The following GTF2IRD1 variants were observed in gnomAD, a reference collection of about 807,000 sequenced individuals.
GTF2IRD1 encodes the protein GTF2I repeat domain containing 1.
A neutral mutation model predicts 113.2 loss-of-function variants in GTF2IRD1; 26 were observed. The ratio of observed to expected loss-of-function variants is 0.23; its 90% CI spans 0.17 to 0.32. The LOEUF is 0.32. Ranked by LOEUF, GTF2IRD1 falls within the 10% of genes least tolerant of loss-of-function variation. The pLI is 1.00. For missense variants in GTF2IRD1, 864 were observed against 1,280.8 expected (o/e 0.67, Z 4.97); for synonymous variants, 484 against 529.1 (o/e 0.91, Z 1.17).
intron 1 of GTF2IRD1, among the ~76,000 whole-genome samples, chr7:74,502,959 G>A (rs1202684176): frequency 6.6e-6 from 1 of 152,162 alleles, no homozygotes; most frequent in African/African-American, 2.4e-5. Flanking sequence ...CTGAGGTCAG[G>A]CGTTCGAGAC....
At chr7:74,461,652 C>T (rs1793373312) in intron 1 of GTF2IRD1, among the ~76,000 whole-genome samples, 1 of 152,110 alleles carries the variant, frequency 6.6e-6, no homozygotes, top group African/African-American at 2.4e-5. Context: ...GATCTCGGCT[C>T]GCTGCAACCT....
At chr7:74,594,234 G>C (rs1370434650) in intron 24 of GTF2IRD1, among the ~76,000 whole-genome samples, 2 of 151,420 alleles carry the variant, frequency 1.3e-5, no homozygotes, top group Non-Finnish European at 2.9e-5. Flanking sequence ...ATAAAAATTA[G>C]CCGGGCATGG....
Position 74,558,851 on chromosome 7 carries a change from T to G in GTF2IRD1, c.2108-10T>G. 6.2e-7 allele frequency: 1 copy of G among 1,607,338 alleles called. No individual in the cohort carries two copies. The highest frequency in any genetic ancestry group is 8.5e-7 in the Non-Finnish European group (1 of 1,175,508). Reference sequence around the variant, plus strand: ...CTCCTGACGGGCAGGACCCTGCCTCTCGCCCACAGGGGAAGCCTTGGGCAT... The same window carrying G: ...CTCCTGACGGGCAGGACCCTGCCTCGCGCCCACAGGGGAAGCCTTGGGCAT... On this transcript the variant is annotated splice_polypyrimidine_tract_variant and intron_variant, in intron 20 of 26. Transcript: ENST00000424337.
intron 1 of GTF2IRD1, among the ~76,000 whole-genome samples, chr7:74,500,066 G>C (rs894655902): frequency 6.6e-6 from 1 of 152,224 alleles, no homozygotes; most frequent in African/African-American, 2.4e-5. Context: ...AGATGAGGGA[G>C]CCCCCATGTG....
Position 74,512,441 on chromosome 7 carries a change from A to C in GTF2IRD1, c.124-389A>C, listed in dbSNP as rs912694037. Among the ~76,000 whole-genome samples, 10 of 152,154 alleles carry C rather than the reference A, an allele frequency of 6.6e-5. No individual in the cohort carries two copies. The South Asian group carries it at 2.1e-3, about 32-fold the overall frequency. ...CCACAGCAGAAGTGGCCGAGGTGGG[A>C]TTGCAGCCCCAGTCTGTCCAGTCCC... is the stretch of plus-strand genomic sequence containing the variant. On this transcript the variant is annotated intron_variant, in intron 2 of 26. Transcript: ENST00000424337. The surrounding 1 kb of genome is among the most constrained non-coding windows in gnomAD (Gnocchi z 4.4).
chr7:74,491,498 G>T (rs1795342252), intron 1 of GTF2IRD1, among the ~76,000 whole-genome samples: 1 of 139,470 alleles, frequency 7.2e-6, no homozygotes, highest in Admixed American at 6.9e-5. Flanking sequence ...CTTCTGAAAG[G>T]CCCCAGTGTG....
chr7:74,556,050 G>A (rs587712659), intron 19 of GTF2IRD1, among the ~76,000 whole-genome samples: 3 of 152,196 alleles, frequency 2.0e-5, no homozygotes, highest in Non-Finnish European at 4.4e-5. Flanking sequence ...AGGAGTTCAA[G>A]ACCAGCCTGG....
At chr7:74,509,279 C>T (rs1302693711) in intron 2 of GTF2IRD1, among the ~76,000 whole-genome samples, 3 of 152,062 alleles carry the variant, frequency 2.0e-5, no homozygotes, top group Non-Finnish European at 1.5e-5. Context: ...ATCACTTGAA[C>T]CCTGGAAGTG....
At chr7:74,519,301 G>A (rs1797125736) in intron 5 of GTF2IRD1, 108 bp from the exon 6 acceptor site, 2 of 689,160 alleles carry the variant, frequency 2.9e-6, no homozygotes, top group Non-Finnish European at 2.3e-6. Context: ...CCCTCCTCAT[G>A]GGGCTGTTAT....
chr7:74,601,335 C>T, intron 26 of GTF2IRD1, 155 bp downstream of exon 26: 4 of 1,535,514 alleles, frequency 2.6e-6, no homozygotes, highest in Non-Finnish European at 3.5e-6. Flanking sequence ...TAGATGCATC[C>T]ACCTGTCTCA....
At chr7:74,503,639 C>A (rs1319243028) in intron 1 of GTF2IRD1, among the ~76,000 whole-genome samples, 1 of 152,068 alleles carries the variant, frequency 6.6e-6, no homozygotes, top group African/African-American at 2.4e-5. Flanking sequence ...ATCCCAGCTA[C>A]GGGGGAGGCT....
chr7:74,597,741 A>G (rs1387480818), intron 25 of GTF2IRD1, among the ~76,000 whole-genome samples: 21 of 152,254 alleles, frequency 1.4e-4, no homozygotes, highest in African/African-American at 4.8e-4. Context: ...AAGCTGAGGC[A>G]CAGAGATGCC....
At chr7:74,481,226 T>C (rs757897) in intron 1 of GTF2IRD1, among the ~76,000 whole-genome samples, 26,452 of 152,188 alleles carry the variant, frequency 0.17, 3,287 homozygotes, top group African/African-American at 0.35. Context: ...GCAATCCCAG[T>C]TCGATGCATT....
chr7:74,594,410 G>T (rs142956832), intron 24 of GTF2IRD1, among the ~76,000 whole-genome samples: 34 of 152,038 alleles, frequency 2.2e-4, no homozygotes, highest in African/African-American at 7.2e-4. Flanking sequence ...ATGCTGTGAT[G>T]AATATCCACT....
chr7:74,588,792 A>G (rs1314747070), intron 22 of GTF2IRD1, among the ~76,000 whole-genome samples: 2 of 152,042 alleles, frequency 1.3e-5, no homozygotes, highest in Non-Finnish European at 2.9e-5. Flanking sequence ...TCTGCCTCCC[A>G]AAGTGCTGGG....
chr7:74,601,794 T>A, intron 26 of GTF2IRD1: 1 of 168,788 alleles, frequency 5.9e-6, no homozygotes. Context: ...GAAAAAAAAA[T>A]TAGCCAGGCA....
At chr7:74,530,232 C>T (rs1797880359) in intron 9 of GTF2IRD1, among the ~76,000 whole-genome samples, 2 of 151,850 alleles carry the variant, frequency 1.3e-5, no homozygotes, top group Admixed American at 6.6e-5. Context: ...TGCGGGTGGG[C>T]GTAGGGGTCT....
chr7:74,523,529 G>A (rs1439313014), intron 7 of GTF2IRD1, among the ~76,000 whole-genome samples: 1 of 152,178 alleles, frequency 6.6e-6, no homozygotes, highest in Non-Finnish European at 1.5e-5. Context: ...ACACCAGCCT[G>A]GCCAACATGG....
intron 24 of GTF2IRD1, among the ~76,000 whole-genome samples, chr7:74,593,160 A>G (rs782063375): frequency 2.0e-5 from 3 of 151,916 alleles, no homozygotes; most frequent in Non-Finnish European, 4.4e-5. Context: ...CCTGGCCTAC[A>G]TGTTTTTTTA....
Sources: gnomAD v4.1 joint callset for allele counts (sites outside exome capture counted in the v4.1 genomes callset) on GRCh38, gnomAD v4.1.1 for gene constraint, Gnocchi (gnomAD v3.1) non-coding constraint, MANE v1.5 for transcripts, NCBI Gene and HGNC (gene_info 2026-07-23, HGNC 2026-07-21) for gene names.